GAB4: variants seen among roughly 807,000 people sequenced by gnomAD.
GAB4 encodes the protein GRB2-associated-binding protein 4.
Under a neutral mutation model 51.3 loss-of-function variants are expected in GAB4, and 26 were observed. The observed-to-expected ratio is 0.51, with a 90% confidence interval of 0.37 to 0.70. The LOEUF is 0.70. Among genes scored for constraint, GAB4 ranks in the 30% least tolerant of loss-of-function variants. GAB4 has a pLI of 0.00. For missense variants in GAB4, 759 were observed against 734.6 expected (o/e 1.03, Z -0.38); for synonymous variants, 329 against 291.2 (o/e 1.13, Z -1.32).
intron 2 of GAB4, among the ~76,000 whole-genome samples, chr22:16,990,125 T>G (rs577213055): frequency 1.3e-5 from 2 of 152,230 alleles, no homozygotes; most frequent in Middle Eastern, 3.2e-3. Flanking sequence ...CCTGTCCTTA[T>G]GGCATTGCTC....
rs1287447292 is a variant in GAB4, at chr22:16,992,186, G to C, written c.175-10C>G. On this transcript the variant is annotated splice_polypyrimidine_tract_variant and intron_variant, in intron 1 of 9. Transcript: ENST00000400588. ...AGCGTTTCCTCCAGGCCTAAGGAAG[G>C]AGTAAGAAGAGGGGAAGCATGCATT... is the stretch of plus-strand genomic sequence containing the variant. 1 of 1,597,602 alleles carries C rather than the reference G, an allele frequency of 6.3e-7. No individual in the cohort carries two copies. Among genetic ancestry groups the C allele is most frequent in the African/African-American group, 1.3e-5 (1 of 74,258 alleles).
intron 1 of GAB4, among the ~76,000 whole-genome samples, chr22:16,998,220 A>G (rs963054838): frequency 6.6e-6 from 1 of 152,142 alleles, no homozygotes; most frequent in African/African-American, 2.4e-5. Context: ...CACTGAATCT[A>G]TAAATTACCT....
chr22:16,964,979 T>A, intron 7 of GAB4, 117 bp from the exon 8 acceptor site: 1 of 813,184 alleles, frequency 1.2e-6, no homozygotes, highest in South Asian at 1.7e-5. Flanking sequence ...TGTTACCAGA[T>A]CAAGAACTGA....
intron 2 of GAB4, among the ~76,000 whole-genome samples, chr22:16,989,228 G>A (rs554128039): frequency 6.6e-6 from 1 of 152,332 alleles, no homozygotes; most frequent in Admixed American, 6.5e-5. Context: ...AGAAATGAAG[G>A]TCTACAGGTG....
chr22:16,981,262 T>A (rs1434321255), intron 3 of GAB4, among the ~76,000 whole-genome samples: 3 of 149,626 alleles, frequency 2.0e-5, no homozygotes, highest in African/African-American at 7.3e-5. Flanking sequence ...AAACCCCAAA[T>A]TAGAAGGAAA....
At chr22:16,966,445 A>C in intron 5 of GAB4, 81 bp from the exon 6 acceptor site, 2 of 1,411,294 alleles carry the variant, frequency 1.4e-6, no homozygotes, top group Non-Finnish European at 1.9e-6. Context: ...CAAGGCCAAA[A>C]AGAGTCATGA....
chr22:16,969,537 C>G, intron 4 of GAB4: 1 of 491,640 alleles, frequency 2.0e-6, no homozygotes, highest in South Asian at 4.9e-5. Context: ...CATGGGAGAC[C>G]AAGGACTAGC....
chr22:16,991,865 T>C lies in GAB4; in HGVS notation c.478+8A>G, dbSNP rs1184915042. On this transcript the variant is annotated splice_region_variant and intron_variant, in intron 2 of 9. Coordinates refer to ENST00000400588, the MANE Select transcript of GAB4 (RefSeq NM_001037814.1). ...CCTCCTGAGACAGGGCTGTGTGTGC[T>C]CCCATACCTGTGCTTTCCTCCTGCC... The C allele has an allele frequency of 6.2e-7, 1 of 1,604,550 alleles. No homozygotes were observed. Among genetic ancestry groups the C allele is most frequent in the Non-Finnish European group, 8.5e-7 (1 of 1,173,958 alleles).
Position 16,965,243 on chromosome 22 carries a change from T to C in GAB4, c.1314A>G (p.Arg438=), listed in dbSNP as rs1314930130. The part of the protein sequence containing the change: ...QKANPTPPNL[R]NNRVINELSF... ...AGAGCTCATTGATGACCCTGTTGTT[T>C]CTCAGGTTGGGCGGTGTTGGGTTGG... The change falls in exon 7 of 10, where the codon AGA becomes AGG. Residue 438 remains arginine, a synonymous_variant. Coordinates refer to ENST00000400588, the MANE Select transcript of GAB4 (RefSeq NM_001037814.1). The C allele has an allele frequency of 6.2e-7, 1 of 1,614,086 alleles. No individual in the cohort carries two copies. Among genetic ancestry groups the C allele is most frequent in the Non-Finnish European group, 8.5e-7 (1 of 1,179,974 alleles).
chr22:16,991,837 G>A (rs1569106759), intron 2 of GAB4, 36 bp downstream of exon 2: 1 of 1,547,778 alleles, frequency 6.5e-7, no homozygotes, highest in East Asian at 2.3e-5. Flanking sequence ...CCTCATCTCA[G>A]CCCCTCCTGA....
chr22:16,987,665 GA>G (rs936138164), intron 3 of GAB4, among the ~76,000 whole-genome samples: 4 of 152,120 alleles, frequency 2.6e-5, no homozygotes, highest in African/African-American at 9.7e-5. Context: ...TTGCAGTTCT[GA>G]AACTCTAGCC....
At position 16,988,165 on chromosome 22, in the gene GAB4, A is replaced by T; in HGVS notation, c.481T>A (p.Phe161Ile). 1 of 1,608,266 alleles carries T rather than the reference A, an allele frequency of 6.2e-7. No homozygotes were observed. Among genetic ancestry groups the T allele is most frequent in the Non-Finnish European group, 8.5e-7 (1 of 1,175,274 alleles). The change falls in exon 3 of 10, where the codon TTC becomes ATC. Residue 161 changes from phenylalanine to isoleucine, a missense_variant and splice_region_variant. By Grantham distance (21) the Phe-to-Ile change is conservative (BLOSUM62 0). Around this residue, in one of 3 missense-constraint regions of GAB4, gnomAD observed 88 missense variants for 151.3 expected, o/e 0.58. Transcript: ENST00000400588. Reference protein sequence around the residue: ...CGFRQEESTGFLGNISSASHG... With the variant: ...CGFRQEESTGILGNISSASHG... Reference sequence around the variant, plus strand: ...CTGGCTGAGGAAATGTTTCCCAGGAAGCCTGTGAATGAAACAGGAAGGAAG... The same window carrying T: ...CTGGCTGAGGAAATGTTTCCCAGGATGCCTGTGAATGAAACAGGAAGGAAG...
chr22:17,005,149 A>G (rs1407648392), intron 1 of GAB4, among the ~76,000 whole-genome samples: 1 of 152,198 alleles, frequency 6.6e-6, no homozygotes, highest in African/African-American at 2.4e-5. Context: ...CAACTTCAGT[A>G]AAGTCTCAGG....
At chr22:16,999,222 C>G (rs1482491324) in intron 1 of GAB4, among the ~76,000 whole-genome samples, 2 of 152,202 alleles carry the variant, frequency 1.3e-5, no homozygotes, top group Non-Finnish European at 2.9e-5. Context: ...ATGGTACCAG[C>G]TCCTCTTGGT....
Position 17,007,962 on chromosome 22 carries a change from G to T in GAB4, c.153C>A (p.Pro51=). ...TCACAAAGAGCCTCAGCTTCTTCTC[G>T]GGGGGCGACTTCCTCAGCCAGCCGC... ...LYSGWLRKSP[P]EKKLRLFAWR... Residue 51 remains proline, a synonymous_variant, in exon 1 of 10, where the codon CCC becomes CCA. Coordinates refer to ENST00000400588, the MANE Select transcript of GAB4 (RefSeq NM_001037814.1). The T allele has an allele frequency of 6.2e-7, 1 of 1,603,152 alleles. No individual in the cohort carries two copies. The highest frequency in any genetic ancestry group is 8.5e-7 in the Non-Finnish European group (1 of 1,172,460).
intron 1 of GAB4, among the ~76,000 whole-genome samples, chr22:16,994,669 G>C (rs1178834979): frequency 1.3e-5 from 2 of 152,320 alleles, no homozygotes; most frequent in South Asian, 2.1e-4. Context: ...CTAGCTCTGG[G>C]AGGGTTTTTT....
rs1193228503 is a variant in GAB4, at chr22:16,963,743, C to T, written c.1563G>A (p.Leu521=). ...CAGGCACCTTGCTCGGCTGGAAGTC[C>T]AGGGCCGCGTAGTGGATGTTACCAG... is the stretch of plus-strand genomic sequence containing the variant. ...RSTGNIHYAA[L]DFQPSKPSIG... is the part of the protein sequence containing the mutation. The change falls in exon 9 of 10, where the codon CTG becomes CTA. Residue 521 remains leucine, a synonymous_variant. Transcript: ENST00000400588. 3.7e-6 allele frequency: 6 copies of T among 1,613,582 alleles called. No individual in the cohort carries two copies. The highest frequency in any genetic ancestry group is 8.5e-7 in the Non-Finnish European group (1 of 1,179,910).
chr22:16,964,106 C>A (rs2060651576), intron 8 of GAB4, among the ~76,000 whole-genome samples: 1 of 152,172 alleles, frequency 6.6e-6, no homozygotes, highest in Admixed American at 6.5e-5. Context: ...GCTGCCTCCC[C>A]CTCCAGCTCC....
At chr22:16,973,032 T>C (rs1479073596) in intron 3 of GAB4, among the ~76,000 whole-genome samples, 3 of 152,238 alleles carry the variant, frequency 2.0e-5, no homozygotes, top group Admixed American at 1.3e-4. Context: ...TGTTGTCAGC[T>C]GTCCCTGGAT....
Sources: allele counts gnomAD v4.1 joint callset (sites outside exome capture counted in the v4.1 genomes callset), GRCh38; gene constraint gnomAD v4.1.1; regional missense constraint gnomAD v4.1.1; transcripts MANE v1.5; gene names NCBI Gene and HGNC (gene_info 2026-07-23, HGNC 2026-07-21).